SIPA1L3: variants seen among roughly 807,000 people sequenced by gnomAD.
The protein encoded by SIPA1L3 is signal induced proliferation associated 1 like 3.
Under a neutral mutation model 150.1 loss-of-function variants are expected in SIPA1L3, and 59 were observed. The observed-to-expected ratio is 0.39, with a 90% CI of 0.32 to 0.49. The LOEUF (loss-of-function observed/expected upper bound fraction) is 0.49. Ranked by LOEUF, SIPA1L3 falls within the 20% of genes least tolerant of loss-of-function variation. SIPA1L3 has a pLI of 0.86. For synonymous variants in SIPA1L3, 1,070 were observed against 1,077.6 expected, an observed-to-expected ratio of 0.99 and a Z score of 0.14; for missense variants, 2,211 against 2,489.5, an observed-to-expected ratio of 0.89 and a Z score of 2.38.
chr19:37,980,372 G>C (rs1019885028), intron 1 of SIPA1L3, among the ~76,000 whole-genome samples: 1 of 152,130 alleles, frequency 6.6e-6, no homozygotes, highest in African/African-American at 2.4e-5. Flanking sequence ...TCAGTACTCT[G>C]CTCTGCACTT....
chr19:38,191,300 C>G (rs1490228352), intron 16 of SIPA1L3, among the ~76,000 whole-genome samples: 1 of 151,112 alleles, frequency 6.6e-6, no homozygotes, highest in Non-Finnish European at 1.5e-5. Context: ...CTTGGGAGGC[C>G]AGGGTAGGAG....
intron 1 of SIPA1L3, among the ~76,000 whole-genome samples, chr19:37,952,147 ATGC>A (rs1338581688): frequency 6.6e-6 from 1 of 152,126 alleles, no homozygotes. Context: ...TGTAAGCTTA[ATGC>A]TGCTGGGGGC....
intron 13 of SIPA1L3, among the ~76,000 whole-genome samples, chr19:38,155,348 T>C (rs1175706174): frequency 6.6e-6 from 1 of 152,168 alleles, no homozygotes; most frequent in Non-Finnish European, 1.5e-5. Context: ...AGTGCTGGGA[T>C]TACAGGCGCG....
intron 6 of SIPA1L3, among the ~76,000 whole-genome samples, chr19:38,104,686 C>A (rs1340144901): frequency 6.6e-6 from 1 of 152,130 alleles, no homozygotes; most frequent in African/African-American, 2.4e-5. Flanking sequence ...ACTCTCCCAC[C>A]TCAGCCTCCT....
chr19:38,174,987 C>T (rs1036685628), intron 15 of SIPA1L3, among the ~76,000 whole-genome samples: 6 of 152,142 alleles, frequency 3.9e-5, no homozygotes, highest in Non-Finnish European at 5.9e-5. Flanking sequence ...TGATATTTAT[C>T]GTTAACAGTT....
chr19:38,175,247 T>C (rs939091121), intron 15 of SIPA1L3, among the ~76,000 whole-genome samples: 4 of 152,012 alleles, frequency 2.6e-5, no homozygotes, highest in Admixed American at 1.3e-4. Flanking sequence ...TTCCACAGGC[T>C]CAGAGTGGTC....
At chr19:38,088,515 C>T (rs927121480) in intron 3 of SIPA1L3, among the ~76,000 whole-genome samples, 1 of 152,224 alleles carries the variant, frequency 6.6e-6, no homozygotes, top group African/African-American at 2.4e-5. Context: ...AGTTCTGTGG[C>T]TTGGCAGGTG....
At chr19:37,963,346 A>G (rs1394265792) in intron 1 of SIPA1L3, among the ~76,000 whole-genome samples, 2 of 152,192 alleles carry the variant, frequency 1.3e-5, no homozygotes, top group African/African-American at 4.8e-5. Flanking sequence ...GCAGGGCTGC[A>G]TGGGACCTTA....
chr19:38,091,759 G>A (rs930044701), intron 4 of SIPA1L3, among the ~76,000 whole-genome samples: 3 of 152,170 alleles, frequency 2.0e-5, no homozygotes, highest in South Asian at 2.1e-4. Flanking sequence ...GTTTTTGTTC[G>A]TAATGAAAAT....
chr19:37,918,869 TCAAA>T (rs2046434497), intron 1 of SIPA1L3, among the ~76,000 whole-genome samples: 1 of 133,334 alleles, frequency 7.5e-6, no homozygotes, highest in Non-Finnish European at 1.6e-5. Context: ...AGACTCGGTC[TCAAA>T]ATAAATAAAT....
chr19:38,079,559 A>ATTTTTT (rs35759392), intron 2 of SIPA1L3, among the ~76,000 whole-genome samples: 1 of 141,464 alleles, frequency 7.1e-6, no homozygotes, highest in African/African-American at 2.6e-5. Context: ...GTTTTTGGGG[A>ATTTTTT]TTTTTTTTTT....
chr19:38,112,284 A>G (rs1970781845), intron 8 of SIPA1L3, among the ~76,000 whole-genome samples: 1 of 151,868 alleles, frequency 6.6e-6, no homozygotes, highest in Non-Finnish European at 1.5e-5. Context: ...ATGCACACAC[A>G]TATGCACACA....
intron 1 of SIPA1L3, among the ~76,000 whole-genome samples, chr19:37,921,974 G>A (rs1332432318): frequency 1.3e-5 from 2 of 152,132 alleles, no homozygotes; most frequent in South Asian, 2.1e-4. Flanking sequence ...AGTGTGGAGG[G>A]AATGTCATGA....
intron 15 of SIPA1L3, among the ~76,000 whole-genome samples, chr19:38,171,009 C>T (rs879491205): frequency 1.7e-4 from 26 of 151,478 alleles, no homozygotes; most frequent in Admixed American, 1.7e-3. Flanking sequence ...TGTTGTGAAC[C>T]TCAGTATGTA....
Position 38,164,709 on chromosome 19 carries a change from C to T in SIPA1L3, c.4011C>T (p.Pro1337=), listed in dbSNP as rs771144164. 45 of 1,613,994 alleles carry T rather than the reference C, an allele frequency of 2.8e-5. No homozygotes were observed. Among genetic ancestry groups the T allele is most frequent in the Non-Finnish European group, 3.7e-5 (44 of 1,180,010 alleles). The change falls in exon 15 of 22, where the codon CCC becomes CCT. Residue 1337 remains proline, a synonymous_variant. Coordinates refer to ENST00000222345, the MANE Select transcript of SIPA1L3 (RefSeq NM_015073.3). This position sits in a 1 kb window ranked among gnomAD's most constrained non-coding sequence, Gnocchi z 4.1. ...CACGGCCCGCCAAGCCACACAAGCC[C>T]CCTGGAAGTATGGGCCTTTGTGGCG... ...KAPRPAKPHK[P]PGSMGLCGGG... is the part of the protein sequence containing the mutation.
At chr19:38,071,217 CTATCT>C (rs1969710956) in intron 2 of SIPA1L3, among the ~76,000 whole-genome samples, 1 of 144,974 alleles carries the variant, frequency 6.9e-6, no homozygotes, top group African/African-American at 2.6e-5. Context: ...ATCTATCTAT[CTATCT>C]ATCTATCTAT....
chr19:38,141,259 G>C lies in SIPA1L3; in HGVS notation c.3219G>C (p.Arg1073=), dbSNP rs564993756. The change falls in exon 11 of 22, where the codon CGG becomes CGC. Residue 1073 remains arginine, a synonymous_variant. Coordinates refer to ENST00000222345, the MANE Select transcript of SIPA1L3 (RefSeq NM_015073.3). ...AGGAAAGCATCACTCCTGGGGGCCG[G>C]CCCCCCTACCGCAGCAATGCTCCCT... ...TEQESITPGG[R]PPYRSNAPWQ... is the part of the protein sequence containing the mutation. 10 of 1,613,364 alleles carry C rather than the reference G, an allele frequency of 6.2e-6. No individual in the cohort carries two copies. The African/African-American group carries it at 1.3e-4, about 22-fold the overall frequency.
intron 10 of SIPA1L3, among the ~76,000 whole-genome samples, chr19:38,138,910 A>AACAAAAAACAAAAAC (rs1971504153): frequency 8.9e-6 from 1 of 112,782 alleles, no homozygotes; most frequent in Non-Finnish European, 1.8e-5. Context: ...AAAAAAAAAA[A>AACAAAAAACAAAAAC]AAAAACTGAG....
At chr19:37,924,318 C>T (rs184511777) in intron 1 of SIPA1L3, among the ~76,000 whole-genome samples, 66 of 151,876 alleles carry the variant, frequency 4.3e-4, no homozygotes, top group Non-Finnish European at 7.9e-4. Flanking sequence ...GGAAGGTCTT[C>T]GGGGGCAGTA....
Sources: allele counts gnomAD v4.1 joint callset (sites outside exome capture counted in the v4.1 genomes callset), GRCh38; gene constraint gnomAD v4.1.1; non-coding constraint Gnocchi (gnomAD v3.1); transcripts MANE v1.5; gene names NCBI Gene and HGNC (gene_info 2026-07-23, HGNC 2026-07-21).